Variants in EVL observed in about 807,000 individuals in gnomAD.
The protein encoded by EVL is Enah/Vasp-like.
A neutral mutation model predicts 59.6 loss-of-function variants in EVL; 21 were observed. That is an observed-to-expected ratio of 0.35 (90% CI 0.25 to 0.51). The LOEUF is 0.51. Among genes scored for constraint, EVL ranks in the 20% least tolerant of loss-of-function variants. EVL has a pLI of 0.97. For synonymous variants in EVL, 198 were observed against 203.5 expected, an observed-to-expected ratio of 0.97 and a Z score of 0.23; for missense variants, 462 against 546.6, an observed-to-expected ratio of 0.85 and a Z score of 1.54.
intron 1 of EVL, among the ~76,000 whole-genome samples, chr14:100,073,298 C>G (rs916327536): frequency 6.6e-6 from 1 of 151,526 alleles, no homozygotes; most frequent in Non-Finnish European, 1.5e-5. Flanking sequence ...ACACTTTGCA[C>G]GTACAGCACT....
At chr14:100,101,078 G>A (rs1886187044) in intron 3 of EVL, among the ~76,000 whole-genome samples, 1 of 152,146 alleles carries the variant, frequency 6.6e-6, no homozygotes, top group Non-Finnish European at 1.5e-5. Context: ...CAAGTTTTGG[G>A]TCCGGGCATG....
chr14:99,983,907 A>G (rs917084768), intron 1 of EVL, among the ~76,000 whole-genome samples: 1 of 152,076 alleles, frequency 6.6e-6, no homozygotes, highest in African/African-American at 2.4e-5. Context: ...GTTTATATGT[A>G]TGTAATTACT....
chr14:100,043,271 A>G (rs967795402), intron 1 of EVL, among the ~76,000 whole-genome samples: 1 of 150,934 alleles, frequency 6.6e-6, no homozygotes, highest in Non-Finnish European at 1.5e-5. Context: ...GTGTGTATAT[A>G]TATATGTGTG....
rs1439373853 is a variant in EVL at position 100,084,681 on chromosome 14, C to T, written c.12-6C>T. 11 of 1,612,498 alleles carry T rather than the reference C, an allele frequency of 6.8e-6. No homozygotes were observed. The highest frequency in any genetic ancestry group is 5.3e-5 in the African/African-American group (4 of 74,796). On this transcript the variant is annotated splice_region_variant and splice_polypyrimidine_tract_variant and intron_variant, in intron 1 of 13. Coordinates refer to ENST00000392920, the MANE Select transcript of EVL (RefSeq NM_016337.3). ...AGGCTGACACCAGTTTTTTCTTGCTCGGCAGTGAACAGAGTATCTGCCAAG... is the reference window on the plus strand; with the variant it reads ...AGGCTGACACCAGTTTTTTCTTGCTTGGCAGTGAACAGAGTATCTGCCAAG...
At chr14:100,121,649 T>G (rs1887705667) in intron 3 of EVL, among the ~76,000 whole-genome samples, 1 of 152,184 alleles carries the variant, frequency 6.6e-6, no homozygotes, top group Admixed American at 6.5e-5. Flanking sequence ...CTATTAGACT[T>G]TCCCAGCCTC....
At chr14:99,981,877 C>T (rs1162236904) in intron 1 of EVL, among the ~76,000 whole-genome samples, 2 of 152,146 alleles carry the variant, frequency 1.3e-5, no homozygotes, top group Non-Finnish European at 2.9e-5. Flanking sequence ...CTGTGAAGCT[C>T]AATAAAGTGA....
intron 1 of EVL, among the ~76,000 whole-genome samples, chr14:100,060,414 G>A (rs1214088388): frequency 1.4e-5 from 2 of 145,484 alleles, no homozygotes; most frequent in African/African-American, 5.2e-5. Flanking sequence ...CTGGGCGACA[G>A]AGCGAGACTC....
In EVL at chr14:100,109,733, C is replaced by T. The variant is rs562656621; in HGVS notation, c.358+12075C>T. 6 of 529,078 alleles carry T rather than the reference C, an allele frequency of 1.1e-5. No individual in the cohort carries two copies. Among genetic ancestry groups the T allele is most frequent in the East Asian group, 1.1e-4 (2 of 18,340 alleles). The allele number at this position is 529,078 out of a possible 1,614,324, so 32.8% of individuals were successfully genotyped here. A position where few individuals can be genotyped will look rare whatever the true frequency, so the allele number is the denominator to read the frequency against. Reference sequence around the variant, plus strand: ...GGAATTGTCTCACACAGAAATCGCACCCGTCACCTTGGCCTACTTATCACC... The same window carrying T: ...GGAATTGTCTCACACAGAAATCGCATCCGTCACCTTGGCCTACTTATCACC... On this transcript the variant is annotated intron_variant, in intron 3 of 13. Transcript: ENST00000392920. The surrounding 1 kb of genome is among the most constrained non-coding windows in gnomAD (Gnocchi z 4.3).
chr14:100,068,280 G>A (rs1220408331), intron 1 of EVL, among the ~76,000 whole-genome samples: 2 of 152,064 alleles, frequency 1.3e-5, no homozygotes, highest in Non-Finnish European at 2.9e-5. Context: ...TGGGTTCAAG[G>A]GTCAAGAAAA....
At chr14:100,083,104 T>C (rs749576651) in intron 1 of EVL, among the ~76,000 whole-genome samples, 5 of 152,168 alleles carry the variant, frequency 3.3e-5, no homozygotes, top group Non-Finnish European at 5.9e-5. Flanking sequence ...CAGCAAATGG[T>C]AGAGCTGGGC....
intron 1 of EVL, among the ~76,000 whole-genome samples, chr14:100,026,241 A>AC (rs1566973561): frequency 9.9e-6 from 1 of 101,298 alleles, no homozygotes; most frequent in African/African-American, 1.3e-4. Context: ...GAAAAAAAAA[A>AC]ACAAAAAAAA....
intron 1 of EVL, chr14:100,074,771 C>T (rs2062125495): frequency 6.6e-6 from 1 of 152,398 alleles, no homozygotes; most frequent in African/African-American, 2.4e-5. Flanking sequence ...AGGGGCAGTC[C>T]AGAGAAGAGC....
intron 1 of EVL, among the ~76,000 whole-genome samples, chr14:99,998,218 C>T (rs1362754831): frequency 6.6e-6 from 1 of 152,048 alleles, no homozygotes; most frequent in Non-Finnish European, 1.5e-5. Flanking sequence ...CATGGACTTA[C>T]TGTGTTGCCC....
At chr14:100,116,934 T>G (rs1013774440) in intron 3 of EVL, among the ~76,000 whole-genome samples, 1 of 152,182 alleles carries the variant, frequency 6.6e-6, no homozygotes, top group African/African-American at 2.4e-5. Context: ...CCTAACTTAC[T>G]GGCAGAGCTC....
chr14:100,101,570 G>A (rs1415424409), intron 3 of EVL, among the ~76,000 whole-genome samples: 1 of 152,170 alleles, frequency 6.6e-6, no homozygotes, highest in Non-Finnish European at 1.5e-5. Context: ...TTGAACCCAG[G>A]AGGCAGAGGT....
chr14:100,087,500 A>T (rs2140305669), intron 2 of EVL, among the ~76,000 whole-genome samples: 1 of 152,326 alleles, frequency 6.6e-6, no homozygotes, highest in South Asian at 2.1e-4. Context: ...CTGTAGTCCC[A>T]GCTACTCAGG....
rs142517890 is a variant in EVL, at chr14:100,097,502, G to A, written c.202G>A (p.Val68Met). The change falls in exon 3 of 14, where the codon GTG (valine) becomes ATG (methionine). Residue 68 changes from valine to methionine, a missense_variant. By Grantham distance (21) the Val-to-Met change is conservative. Transcript: ENST00000392920. The part of the protein sequence containing the change: ...DQQVVINYSI[V>M]KGLKYNQATP... The stretch of plus-strand genomic sequence containing the variant: ...CCAGGTTGTGATCAATTATTCAATC[G>A]TGAAAGGGCTGAAGTACAATCAGGC... 36 of 1,608,838 alleles carry A rather than the reference G, an allele frequency of 2.2e-5. No individual in the cohort carries two copies. Among genetic ancestry groups the A allele is most frequent in the South Asian group, 5.5e-5 (5 of 90,280 alleles).
intron 1 of EVL, among the ~76,000 whole-genome samples, chr14:100,076,892 C>T (rs925558588): frequency 6.6e-6 from 1 of 152,248 alleles, no homozygotes; most frequent in African/African-American, 2.4e-5. Flanking sequence ...GACTCCCTTC[C>T]TCATGCCACA....
intron 1 of EVL, among the ~76,000 whole-genome samples, chr14:99,976,680 G>A (rs999656068): frequency 2.6e-5 from 4 of 152,120 alleles, no homozygotes; most frequent in South Asian, 2.1e-4. Context: ...TACAATTGGC[G>A]TTGCCTTCAG....
Sources: gnomAD v4.1 joint callset for allele counts (sites outside exome capture counted in the v4.1 genomes callset) on GRCh38, gnomAD v4.1.1 for gene constraint, Gnocchi (gnomAD v3.1) non-coding constraint, MANE v1.5 for transcripts, NCBI Gene and HGNC (gene_info 2026-07-23, HGNC 2026-07-21) for gene names.